Variants in TTC29 observed in about 807,000 individuals in gnomAD.
The protein encoded by TTC29 is tetratricopeptide repeat domain 29.
Under a neutral mutation model 58.1 loss-of-function variants are expected in TTC29, and 49 were observed. The ratio of observed to expected loss-of-function variants is 0.84; its 90% CI spans 0.67 to 1.07. The LOEUF is 1.07. TTC29 is among the 50% of genes least tolerant of loss of function. The probability of loss-of-function intolerance (pLI) is 0.00; values close to 1 mark genes in which losing one functional copy is unlikely to be tolerated. For synonymous variants in TTC29, 209 were observed against 196.8 expected (o/e 1.06, Z -0.52); for missense variants, 582 against 555.6 (o/e 1.05, Z -0.48).
At chr4:146,932,548 T>C (rs935690401) in intron 4 of TTC29, among the ~76,000 whole-genome samples, 12 of 152,322 alleles carry the variant, frequency 7.9e-5, no homozygotes, top group Admixed American at 5.9e-4. Flanking sequence ...TCTTGCTCCA[T>C]ATGTTTGAGT....
chr4:146,795,383 G>A (rs182514828), intron 11 of TTC29, among the ~76,000 whole-genome samples: 7 of 152,160 alleles, frequency 4.6e-5, no homozygotes, highest in Non-Finnish European at 1.0e-4. Flanking sequence ...TGGGCCCACT[G>A]ACCCATCACC....
chr4:146,825,237 T>G (rs1192059702), intron 9 of TTC29, among the ~76,000 whole-genome samples: 1 of 152,190 alleles, frequency 6.6e-6, no homozygotes, highest in Non-Finnish European at 1.5e-5. Flanking sequence ...CTGTGGGCAT[T>G]TAGTTCTATA....
At chr4:146,816,775 A>G (rs1451749026) in intron 10 of TTC29, among the ~76,000 whole-genome samples, 1 of 152,210 alleles carries the variant, frequency 6.6e-6, no homozygotes, top group African/African-American at 2.4e-5. Context: ...CTTACTCTAT[A>G]TCAGGAACTA....
intron 10 of TTC29, among the ~76,000 whole-genome samples, chr4:146,817,339 C>G (rs545949332): frequency 3.3e-5 from 5 of 152,218 alleles, no homozygotes; most frequent in African/African-American, 4.8e-5. Context: ...ACAATTGCTT[C>G]AAAGAGAATA....
chr4:146,781,565 T>G (rs1748608063), intron 11 of TTC29, among the ~76,000 whole-genome samples: 1 of 151,932 alleles, frequency 6.6e-6, no homozygotes, highest in African/African-American at 2.4e-5. Context: ...CTCAGCACAG[T>G]GTAAAGAAAT....
At chr4:146,843,524 C>T (rs190723994) in intron 8 of TTC29, among the ~76,000 whole-genome samples, 40 of 152,146 alleles carry the variant, frequency 2.6e-4, no homozygotes, top group African/African-American at 6.3e-4. Context: ...TGGTCAAGGG[C>T]GGGAAGGGCT....
chr4:146,735,568 C>G (rs1744656796), intron 11 of TTC29, among the ~76,000 whole-genome samples: 1 of 152,156 alleles, frequency 6.6e-6, no homozygotes, highest in African/African-American at 2.4e-5. Flanking sequence ...TCTTTTTACC[C>G]TAAGAAGGGG....
At chr4:146,761,671 T>TTG (rs1408357600) in intron 11 of TTC29, among the ~76,000 whole-genome samples, 1 of 141,750 alleles carries the variant, frequency 7.1e-6, no homozygotes, top group East Asian at 2.2e-4. Context: ...ACAGAGTAGT[T>TTG]TTTTTTTTTT....
intron 11 of TTC29, among the ~76,000 whole-genome samples, chr4:146,725,091 A>G (rs1220578342): frequency 6.6e-6 from 1 of 152,154 alleles, no homozygotes; most frequent in Non-Finnish European, 1.5e-5. Context: ...TTCAAATTTA[A>G]CTTCTTTGTT....
chr4:146,917,828 A>T (rs1342389251), intron 4 of TTC29, among the ~76,000 whole-genome samples: 1 of 149,304 alleles, frequency 6.7e-6, no homozygotes, highest in Non-Finnish European at 1.5e-5. Context: ...TTAATTTATA[A>T]TTTTTCTAAA....
Position 146,818,249 on chromosome 4 carries a change from T to C in TTC29, c.1101+1876A>G, listed in dbSNP as rs560814673. Among the ~76,000 whole-genome samples, 838 of 151,776 alleles carry C rather than the reference T, an allele frequency of 5.5e-3. 6 individuals are homozygous for C. Among genetic ancestry groups the C allele is most frequent in the African/African-American group, 0.019 (793 of 41,386 alleles). ...AACAAATTTACAAGAAAAAAACAAA[T>C]AACCCCATCAAAAAGTGGGCAAAGG... On this transcript the variant is annotated intron_variant, in intron 10 of 12. Transcript: ENST00000325106.
intron 11 of TTC29, among the ~76,000 whole-genome samples, chr4:146,740,077 G>A (rs1745009916): frequency 6.6e-6 from 1 of 152,166 alleles, no homozygotes; most frequent in Admixed American, 6.5e-5. Context: ...GGGGGTCTCT[G>A]AATGATTATG....
At chr4:146,877,236 T>C (rs9996934) in intron 6 of TTC29, among the ~76,000 whole-genome samples, 54,456 of 151,956 alleles carry the variant, frequency 0.36, 10,034 homozygotes, top group South Asian at 0.43. Context: ...GGATTATGGG[T>C]AACTTATGGT....
intron 6 of TTC29, among the ~76,000 whole-genome samples, chr4:146,882,956 G>C (rs762686259): frequency 4.6e-5 from 7 of 151,840 alleles, no homozygotes; most frequent in Non-Finnish European, 7.4e-5. Context: ...CTCTCTCTGT[G>C]TGTGTGCACA....
intron 10 of TTC29, among the ~76,000 whole-genome samples, chr4:146,818,123 A>T (rs2150137156): frequency 6.6e-6 from 1 of 152,356 alleles, no homozygotes; most frequent in South Asian, 2.1e-4. Context: ...CAGAAAAAGA[A>T]ACTACCATCA....
chr4:146,780,422 T>C (rs1470288514), intron 11 of TTC29, among the ~76,000 whole-genome samples: 1 of 150,910 alleles, frequency 6.6e-6, no homozygotes, highest in Non-Finnish European at 1.5e-5. Flanking sequence ...TATATCAAAA[T>C]CACAAAAATA....
intron 2 of TTC29, among the ~76,000 whole-genome samples, chr4:146,941,881 G>T (rs1026513397): frequency 6.6e-6 from 1 of 152,298 alleles, no homozygotes; most frequent in Admixed American, 6.5e-5. Context: ...GGGAGAGAGA[G>T]TGGTGGCTTA....
intron 8 of TTC29, among the ~76,000 whole-genome samples, chr4:146,851,673 A>G (rs1729525157): frequency 6.6e-6 from 1 of 152,148 alleles, no homozygotes; most frequent in Non-Finnish European, 1.5e-5. Context: ...AAAGAATAAT[A>G]TTACTTTTTC....
At chr4:146,885,848 T>A (rs1386901901) in intron 6 of TTC29, among the ~76,000 whole-genome samples, 1 of 152,106 alleles carries the variant, frequency 6.6e-6, no homozygotes, top group East Asian at 1.9e-4. Flanking sequence ...CTTTAAGAAA[T>A]CGTGATTACT....
Sources: gnomAD v4.1 joint callset for allele counts (sites outside exome capture counted in the v4.1 genomes callset) on GRCh38, gnomAD v4.1.1 for gene constraint, MANE v1.5 for transcripts, NCBI Gene and HGNC (gene_info 2026-07-23, HGNC 2026-07-21) for gene names.